ST8SIA5: variants seen among roughly 807,000 people sequenced by gnomAD.
ST8SIA5 encodes the protein ST8 alpha-N-acetyl-neuraminide alpha-2,8-sialyltransferase 5.
In ST8SIA5, 24 loss-of-function variants were observed where a neutral mutation model predicts 40.2. That is an observed-to-expected ratio of 0.60 (90% CI 0.43 to 0.84). The LOEUF (loss-of-function observed/expected upper bound fraction) is 0.84. ST8SIA5 is among the 40% of genes least tolerant of loss of function. The pLI is 0.00. For missense variants in ST8SIA5, 465 were observed against 498.5 expected (o/e 0.93, Z 0.64); for synonymous variants, 198 against 201.8 (o/e 0.98, Z 0.16).
intron 1 of ST8SIA5, among the ~76,000 whole-genome samples, chr18:46,719,726 C>CTTTCTTTCTTTT: frequency 6.8e-6 from 1 of 146,498 alleles, no homozygotes; most frequent in Non-Finnish European, 1.5e-5. Context: ...TTCTCTCTTT[C>CTTTCTTTCTTTT]TCTCTCTTCT....
At position 46,675,530 on chromosome 18, in the gene ST8SIA5, T is replaced by C. The variant is rs2039334115; in HGVS notation, c.*4512A>G. On this transcript the variant is annotated 3_prime_UTR_variant, in exon 7 of 7. Transcript: ENST00000315087. ...ACAGTGAGCATGCTTCCAATGCTCC[T>C]AGGGAGGACTGGCCTGCAGGTAGAG... is the stretch of plus-strand genomic sequence containing the variant. The C allele has an allele frequency of 6.6e-6, 1 of 152,118 alleles. No individual in the cohort carries two copies. Among genetic ancestry groups the C allele is most frequent in the Non-Finnish European group, 1.5e-5 (1 of 68,040 alleles). 9.4% of individuals were successfully genotyped at this position (152,118 alleles called of 1,614,324 possible). A position where few individuals can be genotyped will look rare whatever the true frequency, so the allele number is the denominator to read the frequency against.
chr18:46,680,520 G>A lies in ST8SIA5; in HGVS notation c.663-10C>T. On this transcript the variant is annotated splice_polypyrimidine_tract_variant and intron_variant, in intron 6 of 6. Coordinates refer to ENST00000315087, the MANE Select transcript of ST8SIA5 (RefSeq NM_013305.6). ...CTCCAGCTTGTGGAACCTACACAGG[G>A]CGCGAGTGAGAGGTGAGCACCCACT... is the stretch of plus-strand genomic sequence containing the variant. 6.4e-7 allele frequency: 1 copy of A among 1,563,954 alleles called. No homozygotes were observed. Among genetic ancestry groups the A allele is most frequent in the Non-Finnish European group, 8.7e-7 (1 of 1,151,094 alleles).
At chr18:46,748,918 C>T (rs751578206) in intron 1 of ST8SIA5, among the ~76,000 whole-genome samples, 7 of 152,082 alleles carry the variant, frequency 4.6e-5, no homozygotes, top group Non-Finnish European at 7.4e-5. Context: ...AAATCTATAT[C>T]CACACAAAAA....
chr18:46,699,106 G>C (rs1204911104), intron 2 of ST8SIA5, among the ~76,000 whole-genome samples: 2 of 152,226 alleles, frequency 1.3e-5, no homozygotes, highest in East Asian at 1.9e-4. Context: ...AAATGTTATC[G>C]GCCTTGTCAT....
At position 46,680,503 on chromosome 18, in the gene ST8SIA5, T is replaced by G; in HGVS notation, c.670A>C (p.Lys224Gln). ...AACGGCCGCCGCCACTTCTCCAGCTTGTGGAACCTACACAGGGCGCGAGTG... is the reference window on the plus strand; with the variant it reads ...AACGGCCGCCGCCACTTCTCCAGCTGGTGGAACCTACACAGGGCGCGAGTG... ...NPSIITERFHKLEKWRRPFYR... is the reference protein window; with the variant it reads ...NPSIITERFHQLEKWRRPFYR... The change falls in exon 7 of 7, where the codon AAG (lysine) becomes CAG (glutamine). Residue 224 changes from lysine (K) to glutamine (Q), a missense_variant. By Grantham distance (53) the Lys-to-Gln change is moderately conservative. Coordinates refer to ENST00000315087, the MANE Select transcript of ST8SIA5 (RefSeq NM_013305.6). 6.3e-7 allele frequency: 1 copy of G among 1,590,562 alleles called. No homozygotes were observed. Among genetic ancestry groups the G allele is most frequent in the Non-Finnish European group, 8.6e-7 (1 of 1,165,866 alleles).
intron 3 of ST8SIA5, among the ~76,000 whole-genome samples, chr18:46,691,142 G>A (rs1226948212): frequency 6.6e-6 from 1 of 152,220 alleles, no homozygotes; most frequent in Non-Finnish European, 1.5e-5. Flanking sequence ...TCAAGCTCAT[G>A]TTCTGTTTCT....
intron 1 of ST8SIA5, among the ~76,000 whole-genome samples, chr18:46,743,409 G>A (rs2040106405): frequency 2.0e-5 from 3 of 152,130 alleles, no homozygotes; most frequent in South Asian, 2.1e-4. Context: ...CAAGAACTTC[G>A]TGATGCATGC....
chr18:46,714,289 G>C (rs951109852), intron 1 of ST8SIA5, among the ~76,000 whole-genome samples: 1 of 152,188 alleles, frequency 6.6e-6, no homozygotes, highest in East Asian at 1.9e-4. Flanking sequence ...CTAATCTAAT[G>C]GGTGGGTGGA....
intron 1 of ST8SIA5, among the ~76,000 whole-genome samples, chr18:46,709,574 A>G (rs941876977): frequency 2.0e-5 from 3 of 152,212 alleles, no homozygotes; most frequent in Admixed American, 2.0e-4. Flanking sequence ...GGAAATTCCC[A>G]TTTGGTCTGG....
chr18:46,737,730 T>G (rs916349780), intron 1 of ST8SIA5, among the ~76,000 whole-genome samples: 2 of 152,210 alleles, frequency 1.3e-5, no homozygotes, highest in African/African-American at 4.8e-5. Flanking sequence ...ATTAGCTTCT[T>G]AGGTTAGAAC....
intron 1 of ST8SIA5, among the ~76,000 whole-genome samples, chr18:46,728,686 C>A (rs771831109): frequency 1.3e-5 from 2 of 152,214 alleles, no homozygotes; most frequent in Admixed American, 6.5e-5. Flanking sequence ...CCTTGCAAAC[C>A]ACCTCCAAGA....
intron 1 of ST8SIA5, among the ~76,000 whole-genome samples, chr18:46,718,187 G>A (rs918615857): frequency 6.6e-6 from 1 of 152,006 alleles, no homozygotes; most frequent in South Asian, 2.1e-4. Flanking sequence ...AAAATTAGCC[G>A]GCGCTGGTGG....
chr18:46,674,955 C>T lies in ST8SIA5; in HGVS notation c.*5087G>A, dbSNP rs566896491. 1.3e-5 allele frequency: 2 copies of T among 152,314 alleles called. No individual in the cohort carries two copies. The highest frequency in any genetic ancestry group is 1.9e-4 in the East Asian group (1 of 5,190). The allele number at this position is 152,314 out of a possible 1,614,324, so 9.4% of individuals were successfully genotyped here. ...ATCTCTGGGAAGGTGAGTAAGCCAG[C>T]TTGGGACATTCCCTGCATGACTTGG... On this transcript the variant is annotated 3_prime_UTR_variant, in exon 7 of 7. Coordinates refer to ENST00000315087, the MANE Select transcript of ST8SIA5 (RefSeq NM_013305.6).
chr18:46,717,492 C>T (rs1201774131), intron 1 of ST8SIA5, among the ~76,000 whole-genome samples: 2 of 152,258 alleles, frequency 1.3e-5, no homozygotes, highest in Non-Finnish European at 2.9e-5. Context: ...TGTGCCACCA[C>T]GCCTGGCTAA....
rs575116880 is a variant in ST8SIA5, at chr18:46,697,009, T to C, written c.225-4754A>G. Reference sequence around the variant, plus strand: ...AAAATGAGAATCAGTTGTGAGTCTGTAAGCAGAACCATCAAGCCTACACTC... The same window carrying C: ...AAAATGAGAATCAGTTGTGAGTCTGCAAGCAGAACCATCAAGCCTACACTC... On this transcript the variant is annotated intron_variant, in intron 2 of 6. Coordinates refer to ENST00000315087, the MANE Select transcript of ST8SIA5 (RefSeq NM_013305.6). Among the ~76,000 whole-genome samples the C allele has an allele frequency of 2.9e-4, 43 of 150,396 alleles. 1 individual carries two copies. The highest frequency in any genetic ancestry group is 1.0e-3 in the African/African-American group (41 of 40,882).
intron 1 of ST8SIA5, among the ~76,000 whole-genome samples, chr18:46,712,663 C>T (rs1019942776): frequency 3.3e-5 from 5 of 152,180 alleles, no homozygotes; most frequent in Admixed American, 3.3e-4. Flanking sequence ...GGGTTTTTCT[C>T]CTCTTTGACT....
intron 4 of ST8SIA5, among the ~76,000 whole-genome samples, chr18:46,688,221 A>G (rs776658275): frequency 4.6e-5 from 7 of 152,220 alleles, no homozygotes; most frequent in Non-Finnish European, 8.8e-5. Flanking sequence ...AAAAATAAAT[A>G]TCTATCTTGA....
chr18:46,699,260 G>A (rs1003417578), intron 2 of ST8SIA5, among the ~76,000 whole-genome samples: 1 of 152,154 alleles, frequency 6.6e-6, no homozygotes, highest in Non-Finnish European at 1.5e-5. Flanking sequence ...CGATTACTTA[G>A]GTAATCTATA....
At chr18:46,700,194 G>A (rs1480316870) in intron 2 of ST8SIA5, among the ~76,000 whole-genome samples, 5 of 152,246 alleles carry the variant, frequency 3.3e-5, no homozygotes, top group Non-Finnish European at 7.3e-5. Context: ...CTGTCAGGGA[G>A]GGAGGCATTT....
Sources: allele counts gnomAD v4.1 joint callset (sites outside exome capture counted in the v4.1 genomes callset), GRCh38; gene constraint gnomAD v4.1.1; transcripts MANE v1.5; gene names NCBI Gene and HGNC (gene_info 2026-07-23, HGNC 2026-07-21).